RERG: variants seen among roughly 807,000 people sequenced by gnomAD.
The protein encoded by RERG is RAS like estrogen regulated growth inhibitor.
In RERG, 25 loss-of-function variants were observed where a neutral mutation model predicts 23.2. That is an observed-to-expected ratio of 1.08 (90% CI 0.79 to 1.50). The LOEUF (loss-of-function observed/expected upper bound fraction) is 1.50, where lower values mean the gene tolerates loss of function less well. RERG is among the 40% of genes most tolerant of loss of function. The probability of loss-of-function intolerance (pLI) is 0.00; values close to 1 mark genes in which losing one functional copy is unlikely to be tolerated. For synonymous variants in RERG, 81 were observed against 89.1 expected (o/e 0.91, Z 0.51); for missense variants, 253 against 250.1 (o/e 1.01, Z -0.08).
chr12:15,126,128 CAT>C (rs67901734), intron 2 of RERG, among the ~76,000 whole-genome samples: 2,263 of 89,020 alleles, frequency 0.025, 91 homozygotes, highest in African/African-American at 0.089. Flanking sequence ...TTGTATATAC[CAT>C]ATATATATAT....
At chr12:15,206,506 C>T (rs536419232) in intron 2 of RERG, among the ~76,000 whole-genome samples, 8 of 152,088 alleles carry the variant, frequency 5.3e-5, no homozygotes, top group Non-Finnish European at 1.0e-4. Flanking sequence ...CAGTGATTCC[C>T]GGAATGTGGG....
chr12:15,182,739 C>T (rs1364050279), intron 2 of RERG, among the ~76,000 whole-genome samples: 1 of 152,088 alleles, frequency 6.6e-6, no homozygotes, highest in Non-Finnish European at 1.5e-5. Context: ...ATAATTTTTA[C>T]TCCCTGATGA....
intron 2 of RERG, among the ~76,000 whole-genome samples, chr12:15,135,376 T>C (rs1864127205): frequency 7.2e-6 from 1 of 138,514 alleles, no homozygotes; most frequent in Non-Finnish European, 1.6e-5. Context: ...GTTATATTTT[T>C]TTCTTCCCAA....
intron 2 of RERG, among the ~76,000 whole-genome samples, chr12:15,158,274 AGTTTTTTT>A (rs954323397): frequency 1.8e-4 from 27 of 151,594 alleles, no homozygotes; most frequent in Admixed American, 1.3e-3. Flanking sequence ...ACAGTTCCTC[AGTTTTTTT>A]GTTTTTTTGT....
rs1865461027 is a variant in RERG, at chr12:15,217,594, G to T, written c.-105C>A. 1.2e-6 allele frequency: 1 copy of T among 806,262 alleles called. No individual in the cohort carries two copies. The highest frequency in any genetic ancestry group is 2.5e-5 in the East Asian group (1 of 40,180). The allele number at this position is 806,262 out of a possible 1,614,324, so 49.9% of individuals were successfully genotyped here. ...CCATATCATTGTGAATCTTGGAAGA[G>T]TCCACAATCCTTAAACAAAAGAAAT... On this transcript the variant is annotated 5_prime_UTR_variant, in exon 2 of 5. Coordinates refer to ENST00000256953, the MANE Select transcript of RERG (RefSeq NM_032918.3).
At chr12:15,173,580 C>G (rs2136123388) in intron 2 of RERG, among the ~76,000 whole-genome samples, 1 of 152,084 alleles carries the variant, frequency 6.6e-6, no homozygotes, top group East Asian at 1.9e-4. Flanking sequence ...ATCTTGTCAT[C>G]TTAACAATAT....
At chr12:15,138,906 G>C (rs573886229) in intron 2 of RERG, among the ~76,000 whole-genome samples, 1 of 150,562 alleles carries the variant, frequency 6.6e-6, no homozygotes, top group East Asian at 2.0e-4. Context: ...AGCTTACCTA[G>C]ATTTTCTCCT....
At chr12:15,123,087 G>A (rs1363781472) in intron 2 of RERG, among the ~76,000 whole-genome samples, 2 of 152,086 alleles carry the variant, frequency 1.3e-5, no homozygotes, top group Admixed American at 6.6e-5. Context: ...GTGAGCCACC[G>A]CGCCCGGCCA....
In RERG at chr12:15,189,819, C is replaced by T. The variant is rs529884340; in HGVS notation, c.61+27610G>A. 2.0e-5 allele frequency among the ~76,000 whole-genome samples: 3 copies of T among 152,202 alleles called. No individual in the cohort carries two copies. In the South Asian group the frequency reaches 6.2e-4, roughly 32 times the overall value. Reference sequence around the variant, plus strand: ...ATGGAGGGCTCACTGAATCTGTTCTCAAAAATTCATGGAAAAGGCAGAAGG... The same window carrying T: ...ATGGAGGGCTCACTGAATCTGTTCTTAAAAATTCATGGAAAAGGCAGAAGG... On this transcript the variant is annotated intron_variant, in intron 2 of 4. Transcript: ENST00000256953.
chr12:15,108,986 A>T lies in RERG; in HGVS notation c.*124T>A, dbSNP rs1863548249. On this transcript the variant is annotated 3_prime_UTR_variant, in exon 5 of 5. Coordinates refer to ENST00000256953, the MANE Select transcript of RERG (RefSeq NM_032918.3). ...CTTCCCAACCTATTAGAGGCCAGAA[A>T]CAATGGGAAGCCCAGACATTTCTCA... 9.5e-7 allele frequency: 1 copy of T among 1,049,070 alleles called. No homozygotes were observed. The highest frequency in any genetic ancestry group is 1.6e-5 in the African/African-American group (1 of 62,640). The allele number at this position is 1,049,070 out of a possible 1,614,324, so 65.0% of individuals were successfully genotyped here.
chr12:15,205,891 G>T (rs1565537571), intron 2 of RERG, among the ~76,000 whole-genome samples: 1 of 152,020 alleles, frequency 6.6e-6, no homozygotes, highest in African/African-American at 2.4e-5. Flanking sequence ...CTGTCAAAGA[G>T]CAATTTAATA....
intron 3 of RERG, among the ~76,000 whole-genome samples, chr12:15,120,816 C>A (rs566534313): frequency 6.6e-6 from 1 of 152,124 alleles, no homozygotes; most frequent in Admixed American, 6.5e-5. Flanking sequence ...TGTGTTGTAC[C>A]CACTTCCTTT....
chr12:15,135,930 G>A (rs78140172), intron 2 of RERG, among the ~76,000 whole-genome samples: 6,200 of 152,084 alleles, frequency 0.041, 463 homozygotes, highest in African/African-American at 0.14. Flanking sequence ...GAGTTAGGAC[G>A]TATTCCCTTT....
chr12:15,164,562 T>C (rs926141138), intron 2 of RERG, among the ~76,000 whole-genome samples: 4 of 152,202 alleles, frequency 2.6e-5, no homozygotes, highest in Admixed American at 2.6e-4. Context: ...TTCTCCAGGC[T>C]CTGTGTTTCC....
chr12:15,139,170 C>G (rs1864194315), intron 2 of RERG, among the ~76,000 whole-genome samples: 1 of 151,692 alleles, frequency 6.6e-6, no homozygotes, highest in African/African-American at 2.4e-5. Flanking sequence ...GCTCTTTATT[C>G]TGTTTCATCG....
chr12:15,190,249 T>A (rs534185202), intron 2 of RERG, among the ~76,000 whole-genome samples: 1 of 151,970 alleles, frequency 6.6e-6, no homozygotes, highest in African/African-American at 2.4e-5. Context: ...CTGCACCACA[T>A]TGGAAGAAGA....
chr12:15,158,755 G>A (rs1409462514), intron 2 of RERG, among the ~76,000 whole-genome samples: 2 of 152,156 alleles, frequency 1.3e-5, no homozygotes, highest in African/African-American at 4.8e-5. Context: ...ACAGAACGAT[G>A]TGTGTCCTTC....
At chr12:15,202,117 ATAAT>A (rs1865225504) in intron 2 of RERG, among the ~76,000 whole-genome samples, 2 of 151,794 alleles carry the variant, frequency 1.3e-5, no homozygotes, top group South Asian at 4.1e-4. Flanking sequence ...TCATTGGAAT[ATAAT>A]TAATAGGTGA....
At chr12:15,178,120 A>G (rs1864877289) in intron 2 of RERG, among the ~76,000 whole-genome samples, 1 of 152,176 alleles carries the variant, frequency 6.6e-6, no homozygotes, top group South Asian at 2.1e-4. Flanking sequence ...GCCATGTGCT[A>G]TAATGGAGGC....
Sources: allele counts gnomAD v4.1 joint callset (sites outside exome capture counted in the v4.1 genomes callset), GRCh38; gene constraint gnomAD v4.1.1; transcripts MANE v1.5; gene names NCBI Gene and HGNC (gene_info 2026-07-23, HGNC 2026-07-21).